Variants in RASSF4 observed in about 807,000 individuals in gnomAD.
RASSF4 encodes ras association domain-containing protein 4.
RASSF4 carries 38 observed loss-of-function variants against 41.1 expected under a neutral mutation model. The ratio of observed to expected loss-of-function variants is 0.92; its 90% CI spans 0.71 to 1.21. The LOEUF is 1.21. Among genes scored for constraint, RASSF4 ranks in the 50% most tolerant of loss-of-function variants. RASSF4 has a pLI of 0.00. For synonymous variants in RASSF4, 179 were observed against 163.4 expected (o/e 1.10, Z -0.73); for missense variants, 414 against 419.4 (o/e 0.99, Z 0.11).
intron 1 of RASSF4, among the ~76,000 whole-genome samples, chr10:44,961,687 C>T (rs73279376): frequency 0.018 from 2,771 of 152,328 alleles, 107 homozygotes; most frequent in African/African-American, 0.062. Context: ...TCTCCTCATT[C>T]GTCTTCACAG....
chr10:44,971,921 G>A, intron 3 of RASSF4, 73 bp downstream of exon 3: 2 of 1,058,824 alleles, frequency 1.9e-6, no homozygotes, highest in Admixed American at 2.1e-5. Flanking sequence ...GTTGTTTCAG[G>A]GTAATGATGA....
chr10:44,979,937 G>C (rs1292994353), intron 3 of RASSF4, among the ~76,000 whole-genome samples: 1 of 152,148 alleles, frequency 6.6e-6, no homozygotes, highest in African/African-American at 2.4e-5. Flanking sequence ...CTGTCCAGGA[G>C]TGACCATGCC....
chr10:44,978,123 A>C (rs1588824379), intron 3 of RASSF4: 1 of 1,447,596 alleles, frequency 6.9e-7, no homozygotes, highest in Non-Finnish European at 9.4e-7. Flanking sequence ...GCGTCACCAC[A>C]CTCCTCTGGG....
intron 1 of RASSF4, among the ~76,000 whole-genome samples, chr10:44,965,572 GT>G (rs1840869788): frequency 6.6e-6 from 1 of 152,212 alleles, no homozygotes; most frequent in Middle Eastern, 3.2e-3. Flanking sequence ...ACAGAAATGT[GT>G]GCCTCTCTCA....
chr10:44,977,245 G>A (rs918931361), intron 3 of RASSF4: 27 of 972,914 alleles, frequency 2.8e-5, no homozygotes, highest in African/African-American at 2.8e-4. Flanking sequence ...AGAGGGGGTC[G>A]GTCTCACTGT....
chr10:44,979,362 T>G (rs1403926015), intron 3 of RASSF4, among the ~76,000 whole-genome samples: 1 of 152,160 alleles, frequency 6.6e-6, no homozygotes, highest in Non-Finnish European at 1.5e-5. Context: ...TCACCAGATA[T>G]GAGGTGCTAG....
chr10:44,977,210 T>C (rs1489318799), intron 3 of RASSF4: 8 of 724,172 alleles, frequency 1.1e-5, no homozygotes, highest in Non-Finnish European at 1.8e-5. Context: ...CATCTCCTCA[T>C]GTGAAACAGG....
At chr10:44,978,094 T>A in intron 3 of RASSF4, 1 of 1,553,980 alleles carries the variant, frequency 6.4e-7, no homozygotes, top group Non-Finnish European at 8.7e-7. Context: ...GGGCCTGCCA[T>A]GCGTCCCACC....
chr10:44,984,195 C>G, intron 5 of RASSF4, 82 bp downstream of exon 5: 1 of 1,344,510 alleles, frequency 7.4e-7, no homozygotes, highest in Non-Finnish European at 1.0e-6. Flanking sequence ...CCACAATCTC[C>G]GAAGGACAGC....
At chr10:44,963,178 C>T (rs1288611647) in intron 1 of RASSF4, among the ~76,000 whole-genome samples, 5 of 151,924 alleles carry the variant, frequency 3.3e-5, no homozygotes, top group Non-Finnish European at 7.4e-5. Flanking sequence ...TCTTCTGGGG[C>T]AGGGAGGAGT....
intron 1 of RASSF4, among the ~76,000 whole-genome samples, chr10:44,964,853 T>C (rs1359663108): frequency 8.0e-6 from 1 of 124,234 alleles, no homozygotes; most frequent in Non-Finnish European, 1.8e-5. Context: ...TTCCTGTAGA[T>C]GTGATGTCAA....
intron 2 of RASSF4, 102 bp downstream of exon 2, chr10:44,970,366 G>A: frequency 2.1e-6 from 2 of 933,386 alleles, no homozygotes; most frequent in Non-Finnish European, 3.5e-6. Context: ...CTTGTTCAGA[G>A]ATCTGATGGG....
At chr10:44,978,975 C>T (rs1293936254) in intron 3 of RASSF4, among the ~76,000 whole-genome samples, 2 of 152,140 alleles carry the variant, frequency 1.3e-5, no homozygotes, top group Admixed American at 6.5e-5. Context: ...CTGTAGGAGG[C>T]TGGGGAATGT....
chr10:44,972,693 C>G (rs893179390), intron 3 of RASSF4, among the ~76,000 whole-genome samples: 1 of 152,206 alleles, frequency 6.6e-6, no homozygotes, highest in Non-Finnish European at 1.5e-5. Context: ...CTTTGTGGCC[C>G]TATCTTGGTC....
chr10:44,960,158 C>T (rs1312763110), intron 1 of RASSF4, among the ~76,000 whole-genome samples: 1 of 152,204 alleles, frequency 6.6e-6, no homozygotes, highest in Non-Finnish European at 1.5e-5. Flanking sequence ...AACCAGTTTC[C>T]TAGAAGCACT....
chr10:44,978,980 G>A (rs1333300059), intron 3 of RASSF4, among the ~76,000 whole-genome samples: 1 of 152,170 alleles, frequency 6.6e-6, no homozygotes, highest in Non-Finnish European at 1.5e-5. Flanking sequence ...GGAGGCTGGG[G>A]AATGTTTACG....
intron 3 of RASSF4, among the ~76,000 whole-genome samples, chr10:44,973,872 C>A (rs182395951): frequency 6.6e-6 from 1 of 152,200 alleles, no homozygotes. Context: ...TTCTTGACAG[C>A]CCTTAATGAT....
intron 9 of RASSF4, chr10:44,991,309 C>A (rs896385842): frequency 5.0e-6 from 2 of 397,468 alleles, no homozygotes; most frequent in Non-Finnish European, 9.0e-6. Flanking sequence ...CATGGCCTGT[C>A]CTTTTCCTCT....
At chr10:44,978,870 G>A (rs1278793004) in intron 3 of RASSF4, 1 of 152,240 alleles carries the variant, frequency 6.6e-6, no homozygotes, top group Non-Finnish European at 1.5e-5. Flanking sequence ...TCACTGTCAC[G>A]AGGGCCAAAA....
Sources: allele counts gnomAD v4.1 joint callset (sites outside exome capture counted in the v4.1 genomes callset), GRCh38; gene constraint gnomAD v4.1.1; transcripts MANE v1.5; gene names NCBI Gene and HGNC (gene_info 2026-07-23, HGNC 2026-07-21).